Variants in KHDRBS2 observed in about 807,000 individuals in gnomAD.
KHDRBS2 encodes KH RNA binding domain containing, signal transduction associated 2, also known as KH domain-containing, RNA-binding, signal transduction-associated protein 2.
In KHDRBS2, 26 loss-of-function variants were observed where a neutral mutation model predicts 44.3. The observed-to-expected ratio is 0.59, with a 90% CI of 0.43 to 0.81. The LOEUF (loss-of-function observed/expected upper bound fraction) is 0.81. Ranked by LOEUF, KHDRBS2 falls within the 40% of genes least tolerant of loss-of-function variation. The pLI, the probability that KHDRBS2 is intolerant of heterozygous loss-of-function variation, is 0.00. For synonymous variants in KHDRBS2, 194 were observed against 151.1 expected, an observed-to-expected ratio of 1.28 and a Z score of -2.08; for missense variants, 476 against 433.1, an observed-to-expected ratio of 1.10 and a Z score of -0.88.
intron 7 of KHDRBS2, among the ~76,000 whole-genome samples, chr6:61,715,397 G>A (rs1280471411): frequency 2.0e-5 from 3 of 151,756 alleles, no homozygotes; most frequent in African/African-American, 7.3e-5. Flanking sequence ...GTATATTTAG[G>A]CTTTCTTGTT....
At chr6:61,807,545 A>T (rs2127591588) in intron 6 of KHDRBS2, among the ~76,000 whole-genome samples, 1 of 152,202 alleles carries the variant, frequency 6.6e-6, no homozygotes, top group Admixed American at 6.5e-5. Context: ...GGGCGCTATT[A>T]TCCTAAGCAG....
chr6:61,729,017 C>T (rs1306345819), intron 7 of KHDRBS2, among the ~76,000 whole-genome samples: 4 of 152,052 alleles, frequency 2.6e-5, no homozygotes, highest in Non-Finnish European at 2.9e-5. Flanking sequence ...GTTATAAAGA[C>T]ACATGCACTT....
At chr6:61,854,360 A>G (rs1171800860) in intron 6 of KHDRBS2, among the ~76,000 whole-genome samples, 1 of 152,086 alleles carries the variant, frequency 6.6e-6, no homozygotes, top group Non-Finnish European at 1.5e-5. Context: ...AAATTTTTAT[A>G]TATTCAGTTA....
At chr6:61,867,249 AT>A (rs1271008787) in intron 6 of KHDRBS2, among the ~76,000 whole-genome samples, 1 of 152,212 alleles carries the variant, frequency 6.6e-6, no homozygotes, top group African/African-American at 2.4e-5. Context: ...CATGTCTTAC[AT>A]GTATGGCAGC....
chr6:62,080,643 C>A, intron 2 of KHDRBS2, among the ~76,000 whole-genome samples: 1 of 152,060 alleles, frequency 6.6e-6, no homozygotes, highest in East Asian at 1.9e-4. Flanking sequence ...TGTTCTAGAT[C>A]ATCTCAATTT....
chr6:62,142,717 A>C (rs1264340407), intron 2 of KHDRBS2, among the ~76,000 whole-genome samples: 1 of 151,994 alleles, frequency 6.6e-6, no homozygotes, highest in Non-Finnish European at 1.5e-5. Context: ...TCTATCAGCT[A>C]TATGTGTATA....
chr6:61,814,922 T>C (rs1788674535), intron 6 of KHDRBS2, among the ~76,000 whole-genome samples: 1 of 152,124 alleles, frequency 6.6e-6, no homozygotes, highest in Non-Finnish European at 1.5e-5. Flanking sequence ...TTATATAAAA[T>C]GGTAAAGTAT....
chr6:61,550,766 C>CTTTTTTTTTTTTTTTTTTTTTTTTTT, the KHDRBS2 span, among the ~76,000 whole-genome samples: 5 of 117,038 alleles, frequency 4.3e-5, no homozygotes, highest in Non-Finnish European at 4.9e-5. Context: ...GAGATGGTAT[C>CTTTTTTTTTTTTTTTTTTTTTTTTTT]TTTTTTTTTT....
chr6:61,795,144 C>CAAAAAAAAAAAAAA (rs1166333660), intron 6 of KHDRBS2, among the ~76,000 whole-genome samples: 3 of 59,672 alleles, frequency 5.0e-5, no homozygotes, highest in African/African-American at 1.9e-4. Context: ...GACTCCGTCT[C>CAAAAAAAAAAAAAA]AAAAAAAAAA....
In KHDRBS2 at chr6:62,154,126, C is replaced by T. The variant is rs912841902; in HGVS notation, c.219+23059G>A. ...GCCAAGGAGAGTACCAAGTGAGAGG[C>T]TGTATGAAAAGGTATCAGAGAAGAC... On this transcript the variant is annotated intron_variant, in intron 2 of 8. Coordinates refer to ENST00000281156, the MANE Select transcript of KHDRBS2 (RefSeq NM_152688.4). 6.6e-5 allele frequency among the ~76,000 whole-genome samples: 10 copies of T among 152,152 alleles called. No individual in the cohort carries two copies. In the East Asian group the frequency reaches 1.4e-3, roughly 21 times the overall value.
rs551032768 is a variant in KHDRBS2 at position 62,066,044 on chromosome 6, C to G, written c.220-18050G>C. Among the ~76,000 whole-genome samples the G allele has an allele frequency of 1.3e-3, 191 of 151,616 alleles. 2 individuals carry two copies. Among genetic ancestry groups the G allele is most frequent in the South Asian group, 1.9e-3 (9 of 4,806 alleles). Reference sequence around the variant, plus strand: ...TGTGTGGAGAGTCCTTAAATGTATTCAAAGACACGTCTTTGCCATATTTAT... The same window carrying G: ...TGTGTGGAGAGTCCTTAAATGTATTGAAAGACACGTCTTTGCCATATTTAT... On this transcript the variant is annotated intron_variant, in intron 2 of 8. Coordinates refer to ENST00000281156, the MANE Select transcript of KHDRBS2 (RefSeq NM_152688.4).
the KHDRBS2 span, among the ~76,000 whole-genome samples, chr6:61,610,282 G>A: frequency 2.0e-5 from 3 of 151,982 alleles, no homozygotes; most frequent in South Asian, 6.2e-4. Flanking sequence ...TCAATCTAGG[G>A]GAAAAATCAT....
intron 2 of KHDRBS2, among the ~76,000 whole-genome samples, chr6:62,101,956 A>G (rs1204407133): frequency 1.3e-5 from 2 of 152,204 alleles, no homozygotes; most frequent in Non-Finnish European, 2.9e-5. Flanking sequence ...CAACTCTACC[A>G]TGAAGTTTAC....
chr6:61,890,196 A>G (rs1452127012), intron 6 of KHDRBS2, among the ~76,000 whole-genome samples: 1 of 152,228 alleles, frequency 6.6e-6, no homozygotes, highest in African/African-American at 2.4e-5. Context: ...CACCTAAAAT[A>G]AGATGGAGGC....
chr6:61,806,579 A>G (rs1350316316), intron 6 of KHDRBS2, among the ~76,000 whole-genome samples: 6 of 152,154 alleles, frequency 3.9e-5, no homozygotes, highest in African/African-American at 1.4e-4. Context: ...ATGAAGCAAT[A>G]TAATTACTTT....
At chr6:61,910,315 G>T (rs531975695) in intron 4 of KHDRBS2, among the ~76,000 whole-genome samples, 55 of 152,330 alleles carry the variant, frequency 3.6e-4, no homozygotes, top group African/African-American at 1.3e-3. Context: ...TTATTAAAAT[G>T]TAGTCAAAGA....
At chr6:61,851,206 T>C (rs960283924) in intron 6 of KHDRBS2, among the ~76,000 whole-genome samples, 1 of 152,074 alleles carries the variant, frequency 6.6e-6, no homozygotes, top group Non-Finnish European at 1.5e-5. Context: ...AAAATATATA[T>C]ATACACACAC....
chr6:61,568,736 T>C, the KHDRBS2 span, among the ~76,000 whole-genome samples: 3 of 152,260 alleles, frequency 2.0e-5, no homozygotes, highest in East Asian at 3.9e-4. Flanking sequence ...GAAGCAGCAG[T>C]GGAAAGTGCC....
intron 3 of KHDRBS2, among the ~76,000 whole-genome samples, chr6:61,982,891 C>G (rs1774159558): frequency 6.6e-6 from 1 of 152,058 alleles, no homozygotes; most frequent in Admixed American, 6.6e-5. Context: ...ATTTAAGGAA[C>G]TCTTTTCTCT....
Sources: gnomAD v4.1 joint callset for allele counts (sites outside exome capture counted in the v4.1 genomes callset) on GRCh38, gnomAD v4.1.1 for gene constraint, MANE v1.5 for transcripts, NCBI Gene and HGNC (gene_info 2026-07-23, HGNC 2026-07-21) for gene names.